DYSF: variants seen among roughly 807,000 people sequenced by gnomAD.
DYSF encodes the protein dystrophy-associated fer-1-like 1.
DYSF carries 212 observed loss-of-function variants against 274.9 expected under a neutral mutation model. The ratio of observed to expected loss-of-function variants is 0.77; its 90% CI spans 0.69 to 0.86. The LOEUF (loss-of-function observed/expected upper bound fraction) is 0.86. Among genes scored for constraint, DYSF ranks in the 40% least tolerant of loss-of-function variants. The pLI, the probability that DYSF is intolerant of heterozygous loss-of-function variation, is 0.00. For missense variants in DYSF, 2,666 were observed against 2,783.2 expected (o/e 0.96, Z 0.95); for synonymous variants, 1,091 against 1,078.7 (o/e 1.01, Z -0.22).
chr2:71,465,049 G>C (rs1217563155), upstream of DYSF, among the ~76,000 whole-genome samples: 1 of 152,158 alleles, frequency 6.6e-6, no homozygotes, highest in South Asian at 2.1e-4. Context: ...CCTTCAAAGG[G>C]CATTGTTGTG....
chr2:71,682,995 G>A (rs570226516), intron 55 of DYSF, among the ~76,000 whole-genome samples: 12 of 152,328 alleles, frequency 7.9e-5, no homozygotes, highest in South Asian at 4.1e-4. Flanking sequence ...TTTGGGTTGC[G>A]GTGGGCAGGG....
chr2:71,511,392 C>T (rs1350516765), intron 4 of DYSF, among the ~76,000 whole-genome samples: 1 of 152,222 alleles, frequency 6.6e-6, no homozygotes, highest in Non-Finnish European at 1.5e-5. Flanking sequence ...TGAAGACAGG[C>T]CAAGTGGATA....
intron 53 of DYSF, among the ~76,000 whole-genome samples, chr2:71,679,443 A>C (rs1252332176): frequency 6.6e-6 from 1 of 150,382 alleles, no homozygotes; most frequent in Non-Finnish European, 1.5e-5. Flanking sequence ...TTTGCGGCTC[A>C]CATCCCAGGG....
At chr2:71,535,518 A>G (rs1387167691) in intron 16 of DYSF, among the ~76,000 whole-genome samples, 1 of 152,010 alleles carries the variant, frequency 6.6e-6, no homozygotes, top group Non-Finnish European at 1.5e-5. Context: ...AGGTAGGCAG[A>G]TAAGGAGGAA....
chr2:71,629,711 A>T (rs375698862), intron 41 of DYSF, among the ~76,000 whole-genome samples: 1 of 152,142 alleles, frequency 6.6e-6, no homozygotes, highest in Admixed American at 6.5e-5. Context: ...TGCCCTTAAG[A>T]ATTTTCTTTA....
chr2:71,684,359 C>T (rs907865022), intron 55 of DYSF, among the ~76,000 whole-genome samples: 10 of 152,220 alleles, frequency 6.6e-5, no homozygotes, highest in African/African-American at 1.2e-4. Context: ...GCCCAGGGGG[C>T]ACCCTTCCCA....
At chr2:71,584,205 G>A (rs933588757) in intron 30 of DYSF, among the ~76,000 whole-genome samples, 1 of 152,048 alleles carries the variant, frequency 6.6e-6, no homozygotes, top group African/African-American at 2.4e-5. Flanking sequence ...GGTGAAGGGT[G>A]GGTGGGCAGA....
chr2:71,631,724 G>C (rs1246657631), intron 41 of DYSF, among the ~76,000 whole-genome samples: 1 of 152,124 alleles, frequency 6.6e-6, no homozygotes, highest in African/African-American at 2.4e-5. Flanking sequence ...GGTCTCTCCT[G>C]TTACGGGGGC....
At chr2:71,522,486 C>G (rs1275685293) in intron 12 of DYSF, among the ~76,000 whole-genome samples, 1 of 152,104 alleles carries the variant, frequency 6.6e-6, no homozygotes, top group African/African-American at 2.4e-5. Context: ...TCATGACTCT[C>G]CTTGCTCCTT....
At chr2:71,647,593 A>G (rs2094586736) in intron 42 of DYSF, among the ~76,000 whole-genome samples, 3 of 152,206 alleles carry the variant, frequency 2.0e-5, no homozygotes, top group Admixed American at 2.0e-4. Flanking sequence ...TTCAAAATAT[A>G]TGTAAGGGCT....
intron 1 of DYSF, among the ~76,000 whole-genome samples, chr2:71,454,976 G>A (rs974042176): frequency 1.3e-5 from 2 of 151,468 alleles, no homozygotes; most frequent in African/African-American, 4.9e-5. Flanking sequence ...CTCCCACCCA[G>A]CCTGTGGGTT....
chr2:71,490,619 G>A (rs547880073), intron 3 of DYSF, among the ~76,000 whole-genome samples: 9 of 152,312 alleles, frequency 5.9e-5, no homozygotes, highest in South Asian at 2.1e-4. Flanking sequence ...GAGCCACTGC[G>A]CCCGGCCTGG....
chr2:71,662,040 C>T (rs1225431358), intron 45 of DYSF, among the ~76,000 whole-genome samples: 1 of 152,114 alleles, frequency 6.6e-6, no homozygotes, highest in African/African-American at 2.4e-5. Context: ...TGTCAGGACT[C>T]AGGGGAGATA....
At chr2:71,485,651 C>T (rs1348426513) in intron 3 of DYSF, among the ~76,000 whole-genome samples, 1 of 152,154 alleles carries the variant, frequency 6.6e-6, no homozygotes, top group Admixed American at 6.5e-5. Context: ...CAAAGTACTT[C>T]CACCCTACAC....
intron 24 of DYSF, among the ~76,000 whole-genome samples, chr2:71,565,087 T>C (rs1290612049): frequency 1.4e-5 from 2 of 141,114 alleles, no homozygotes; most frequent in Non-Finnish European, 3.1e-5. Context: ...GCTCCTTACC[T>C]TTTTTTTTTT....
chr2:71,539,154 T>C lies in DYSF; in HGVS notation c.1494-3T>C. Reference sequence around the variant, plus strand: ...TCAGGCCCTCTCTGCTCCCTTGCTCTAGGGACCGCCTGACTCACAATGACA... The same window carrying C: ...TCAGGCCCTCTCTGCTCCCTTGCTCCAGGGACCGCCTGACTCACAATGACA... On this transcript the variant is annotated splice_region_variant and splice_polypyrimidine_tract_variant and intron_variant, in intron 16 of 55. Transcript: ENST00000410020. 6.2e-7 allele frequency: 1 copy of C among 1,614,006 alleles called. No homozygotes were observed. Among genetic ancestry groups the C allele is most frequent in the Non-Finnish European group, 8.5e-7 (1 of 1,179,912 alleles).
At chr2:71,459,335 C>G (rs2152629432) in intron 1 of DYSF, among the ~76,000 whole-genome samples, 1 of 152,292 alleles carries the variant, frequency 6.6e-6, no homozygotes, top group Admixed American at 6.5e-5. Flanking sequence ...ACTCCAGCAG[C>G]AAGAGATGAT....
At chr2:71,612,606 G>A (rs906521907) in intron 38 of DYSF, 35 bp from the exon 39 acceptor site, 6 of 1,610,136 alleles carry the variant, frequency 3.7e-6, no homozygotes, top group Non-Finnish European at 4.2e-6. Flanking sequence ...CCCAGAGGGG[G>A]ATTCAGGCCA....
Position 71,570,541 on chromosome 2 carries a change from T to A in DYSF, c.3086-58T>A, listed in dbSNP as rs189451934. The A allele has an allele frequency of 3.6e-5, 57 of 1,602,262 alleles. No homozygotes were observed. In the East Asian group the frequency reaches 9.5e-4, roughly 27 times the overall value. Reference sequence around the variant, plus strand: ...GACCATGCCCCAAATTCAGAGATGGTCCCAGGAGAGATGGGGGGAACTGCC... The same window carrying A: ...GACCATGCCCCAAATTCAGAGATGGACCCAGGAGAGATGGGGGGAACTGCC... On this transcript the variant is annotated intron_variant, in intron 28 of 55. Coordinates refer to ENST00000410020, the MANE Select transcript of DYSF (RefSeq NM_001130987.2).
Sources: gnomAD v4.1 joint callset for allele counts (sites outside exome capture counted in the v4.1 genomes callset) on GRCh38, gnomAD v4.1.1 for gene constraint, MANE v1.5 for transcripts, NCBI Gene and HGNC (gene_info 2026-07-23, HGNC 2026-07-21) for gene names.